CAPRIN1: variants seen among roughly 807,000 people sequenced by gnomAD.
CAPRIN1 encodes caprin-1.
A neutral mutation model predicts 100.9 loss-of-function variants in CAPRIN1; 29 were observed. The ratio of observed to expected loss-of-function variants is 0.29; its 90% CI spans 0.21 to 0.39. CAPRIN1 has a LOEUF of 0.39. Among genes scored for constraint, CAPRIN1 ranks in the 10% least tolerant of loss-of-function variants. The probability of loss-of-function intolerance (pLI) is 1.00; values close to 1 mark genes in which losing one functional copy is unlikely to be tolerated. For synonymous variants in CAPRIN1, 338 were observed against 307.5 expected (o/e 1.10, Z -1.04); for missense variants, 795 against 876.7 (o/e 0.91, Z 1.18).
intron 11 of CAPRIN1, among the ~76,000 whole-genome samples, chr11:34,087,580 G>C (rs1390200025): frequency 8.2e-6 from 1 of 122,618 alleles, no homozygotes; most frequent in African/African-American, 3.4e-5. Flanking sequence ...TGATCCGCCC[G>C]CCTCGGCCTC....
chr11:34,058,044 A>G (rs1029964836), intron 2 of CAPRIN1, among the ~76,000 whole-genome samples: 1 of 152,030 alleles, frequency 6.6e-6, no homozygotes. Flanking sequence ...TAGAGCTTAA[A>G]CCACCTTAGA....
At chr11:34,061,051 A>G (rs1420216885) in intron 2 of CAPRIN1, among the ~76,000 whole-genome samples, 1 of 152,202 alleles carries the variant, frequency 6.6e-6, no homozygotes, top group Non-Finnish European at 1.5e-5. Context: ...ACTTACCTGC[A>G]TAATTATAAC....
chr11:34,070,140 A>G (rs569282595), intron 2 of CAPRIN1, among the ~76,000 whole-genome samples: 1 of 152,138 alleles, frequency 6.6e-6, no homozygotes, highest in South Asian at 2.1e-4. Context: ...CAATAATAAT[A>G]GTTTGTGACT....
intron 18 of CAPRIN1, 181 bp downstream of exon 18, chr11:34,097,942 A>T (rs1851396861): frequency 7.3e-7 from 1 of 1,362,472 alleles, no homozygotes; most frequent in East Asian, 2.6e-5. Flanking sequence ...TTTTTGAATG[A>T]TTTAATTTTC....
intron 11 of CAPRIN1, 124 bp from the exon 12 acceptor site, chr11:34,089,261 ACTCCCCCCCC>A (rs1424369766): frequency 8.2e-4 from 5 of 6,074 alleles, no homozygotes; most frequent in African/African-American, 0.012. Flanking sequence ...AGAGTGAGAC[ACTCCCCCCCC>A]CCCCCCCCCC....
At chr11:34,068,095 T>C (rs373059227) in intron 2 of CAPRIN1, among the ~76,000 whole-genome samples, 80 of 152,316 alleles carry the variant, frequency 5.3e-4, no homozygotes, top group Non-Finnish European at 7.1e-4. Flanking sequence ...GTGGGAAGAC[T>C]AAGACTTGTT....
intron 2 of CAPRIN1, 129 bp from the exon 3 acceptor site, chr11:34,071,597 A>G: frequency 3.0e-6 from 2 of 674,094 alleles, no homozygotes; most frequent in East Asian, 2.8e-5. Context: ...AAACTGGAAT[A>G]TATCTTAAAA....
chr11:34,091,853 T>C (rs201513851), intron 14 of CAPRIN1, 53 bp from the exon 15 acceptor site: 46 of 1,537,534 alleles, frequency 3.0e-5, no homozygotes, highest in Non-Finnish European at 3.8e-5. Context: ...TTGGCCATGT[T>C]ATAAACCAGA....
chr11:34,083,241 C>T (rs1027851720), intron 9 of CAPRIN1, among the ~76,000 whole-genome samples, 200 bp downstream of exon 9: 1 of 152,106 alleles, frequency 6.6e-6, no homozygotes, highest in Non-Finnish European at 1.5e-5. Context: ...TTTGCTGAAC[C>T]AATCTAAAAA....
At chr11:34,057,843 T>C (rs1210617635) in intron 2 of CAPRIN1, among the ~76,000 whole-genome samples, 11 of 151,678 alleles carry the variant, frequency 7.3e-5, no homozygotes, top group Non-Finnish European at 1.0e-4. Context: ...CTTAGCCTCC[T>C]GAGTAGCTGG....
At chr11:34,060,261 C>T (rs184759046) in intron 2 of CAPRIN1, among the ~76,000 whole-genome samples, 1 of 144,314 alleles carries the variant, frequency 6.9e-6, no homozygotes, top group African/African-American at 2.6e-5. Context: ...CTTAAGAGAA[C>T]ACAGATAATT....
chr11:34,091,971 G>A lies in CAPRIN1; in HGVS notation c.1620G>A (p.Gln540=). ...NEPETLKQQN[Q]YQASYNQSFS... ...CAGAAACTTTAAAACAGCAAAATCA[G>A]TACCAGGCCAGTTATAACCAGAGCT... The change falls in exon 15 of 19, where the codon CAG becomes CAA. Residue 540 remains glutamine, a synonymous_variant. Transcript: ENST00000341394. 3.1e-6 allele frequency: 5 copies of A among 1,614,008 alleles called. No individual in the cohort carries two copies. Among genetic ancestry groups the A allele is most frequent in the East Asian group, 4.5e-5 (2 of 44,858 alleles).
At chr11:34,082,475 C>T (rs1851052442) in intron 7 of CAPRIN1, among the ~76,000 whole-genome samples, 2 of 152,238 alleles carry the variant, frequency 1.3e-5, no homozygotes, top group African/African-American at 2.4e-5. Flanking sequence ...AGACATGAGC[C>T]ACTGTGCCTG....
chr11:34,052,424 C>A lies in CAPRIN1; in HGVS notation c.4C>A (p.Pro2Thr), dbSNP rs1323748987. Reference protein sequence around the residue: MPSATSHSGSGS... With the variant: MTSATSHSGSGS... ...TCTCTCTCCTTGCGGTCTGAAGATG[C>A]CCTCGGCCACCAGCCACAGCGGGAG... Residue 2 changes from proline (P) to threonine (T), a missense_variant, in exon 2 of 19, where the codon CCC becomes ACC. Around this residue, in one of 3 missense-constraint regions of CAPRIN1, gnomAD observed 109 missense variants for 86.6 expected, o/e 1.26. Transcript: ENST00000341394. The A allele has an allele frequency of 1.2e-6, 2 of 1,606,872 alleles. No homozygotes were observed. The highest frequency in any genetic ancestry group is 1.7e-6 in the Non-Finnish European group (2 of 1,178,502).
chr11:34,080,176 G>A (rs1850997098), intron 7 of CAPRIN1, among the ~76,000 whole-genome samples: 1 of 152,206 alleles, frequency 6.6e-6, no homozygotes, highest in African/African-American at 2.4e-5. Context: ...ACCCGCCTCG[G>A]CCTCCCAAAG....
At chr11:34,082,146 C>T (rs931339623) in intron 7 of CAPRIN1, among the ~76,000 whole-genome samples, 1 of 152,086 alleles carries the variant, frequency 6.6e-6, no homozygotes, top group Non-Finnish European at 1.5e-5. Flanking sequence ...AGATTTATTA[C>T]ACTTTATGGC....
chr11:34,086,664 T>C (rs1235587034), intron 11 of CAPRIN1, among the ~76,000 whole-genome samples: 1 of 152,208 alleles, frequency 6.6e-6, no homozygotes, highest in Non-Finnish European at 1.5e-5. Context: ...AATGAGTTTT[T>C]ATAAACTGAA....
intron 2 of CAPRIN1, among the ~76,000 whole-genome samples, chr11:34,058,993 T>A (rs899114126): frequency 6.6e-6 from 1 of 151,858 alleles, no homozygotes; most frequent in African/African-American, 2.4e-5. Context: ...TATAGAAGAG[T>A]GAGAGGAGTA....
intron 2 of CAPRIN1, among the ~76,000 whole-genome samples, chr11:34,067,774 C>T (rs1337003976): frequency 1.3e-5 from 2 of 152,188 alleles, no homozygotes; most frequent in East Asian, 3.9e-4. Context: ...GCTGGGATTG[C>T]AGGCCTGAGC....
Sources: gnomAD v4.1 joint callset for allele counts (sites outside exome capture counted in the v4.1 genomes callset) on GRCh38, gnomAD v4.1.1 for gene constraint, gnomAD v4.1.1 regional missense constraint, MANE v1.5 for transcripts, NCBI Gene and HGNC (gene_info 2026-07-23, HGNC 2026-07-21) for gene names.